Variants in YES1 observed in about 807,000 individuals in gnomAD.
YES1 encodes the protein YES proto-oncogene 1, Src family tyrosine kinase.
In YES1, 39 loss-of-function variants were observed where a neutral mutation model predicts 70.4. The ratio of observed to expected loss-of-function variants is 0.55; its 90% CI spans 0.43 to 0.72. The LOEUF (loss-of-function observed/expected upper bound fraction) is 0.72, where lower values mean the gene tolerates loss of function less well. Ranked by LOEUF, YES1 falls within the 30% of genes least tolerant of loss-of-function variation. The probability of loss-of-function intolerance (pLI) is 0.00; values close to 1 mark genes in which losing one functional copy is unlikely to be tolerated. For missense variants in YES1, 495 were observed against 644.8 expected (o/e 0.77, Z 2.52); for synonymous variants, 198 against 218.6 (o/e 0.91, Z 0.83).
At chr18:748,124 T>C (rs959509388) in intron 3 of YES1, 106 bp from the exon 4 acceptor site, 24 of 826,740 alleles carry the variant, frequency 2.9e-5, no homozygotes, top group Admixed American at 2.0e-4. Flanking sequence ...ATTACTTTCA[T>C]TTTTTATTTA....
rs542515787 is a variant in YES1 at position 764,890 on chromosome 18, A to G, written c.-8-8055T>C. ...TGGGATTACAGGTGCACACCACCAC[A>G]CCCGGCTAATTTTTTGTGTATTTTT... On this transcript the variant is annotated intron_variant, in intron 1 of 11. Transcript: ENST00000314574. 3.2e-4 allele frequency among the ~76,000 whole-genome samples: 48 copies of G among 151,354 alleles called. 2 individuals carry two copies. Among genetic ancestry groups the G allele is most frequent in the South Asian group, 1.5e-3 (7 of 4,770 alleles).
intron 1 of YES1, among the ~76,000 whole-genome samples, chr18:811,545 C>A (rs1364988195): frequency 1.3e-5 from 2 of 152,156 alleles, no homozygotes; most frequent in African/African-American, 4.8e-5. Flanking sequence ...TAAAAGTGGA[C>A]GCTGAATGGT....
intron 2 of YES1, among the ~76,000 whole-genome samples, chr18:753,844 G>A (rs2080373723): frequency 6.6e-6 from 1 of 152,118 alleles, no homozygotes. Context: ...CAAAGCTCTT[G>A]ATTTTTCTCC....
chr18:764,771 C>T (rs1904782586), intron 1 of YES1, among the ~76,000 whole-genome samples: 1 of 151,910 alleles, frequency 6.6e-6, no homozygotes, highest in Admixed American at 6.6e-5. Context: ...CTCGTTCTGT[C>T]ACCCAGGCTG....
At chr18:728,461 C>T (rs951289681) in intron 11 of YES1, among the ~76,000 whole-genome samples, 16 of 152,168 alleles carry the variant, frequency 1.1e-4, no homozygotes, top group Non-Finnish European at 1.3e-4. Flanking sequence ...CACATGAGGA[C>T]GGGTGTGGAA....
intron 11 of YES1, among the ~76,000 whole-genome samples, chr18:732,365 G>A (rs1313628494): frequency 6.9e-6 from 1 of 145,964 alleles, no homozygotes; most frequent in Non-Finnish European, 1.5e-5. Flanking sequence ...GCTTGAACCC[G>A]GGAGACAGGT....
chr18:809,571 G>C (rs1435049223), intron 1 of YES1, among the ~76,000 whole-genome samples: 3 of 152,250 alleles, frequency 2.0e-5, no homozygotes, highest in Admixed American at 6.5e-5. Context: ...AAAGTGCTGG[G>C]ATTACAGGTG....
intron 6 of YES1, among the ~76,000 whole-genome samples, chr18:743,918 A>T (rs12956482): frequency 0.59 from 87,127 of 146,596 alleles, 26,444 homozygotes; most frequent in African/African-American, 0.72. Context: ...AAAAAAAAAA[A>T]ATATATATAT....
intron 1 of YES1, among the ~76,000 whole-genome samples, chr18:811,637 G>A (rs1907385585): frequency 6.6e-6 from 1 of 152,034 alleles, no homozygotes; most frequent in African/African-American, 2.4e-5. Context: ...AAGCCAGAAA[G>A]GCTCATCCAC....
Position 743,078 on chromosome 18 carries a change from C to T in YES1, c.900G>A (p.Thr300=), listed in dbSNP as rs557973186. The T allele has an allele frequency of 3.4e-5, 54 of 1,596,928 alleles. No individual in the cohort carries two copies. The East Asian group carries it at 8.0e-4, about 24-fold the overall frequency. The change falls in exon 8 of 12, where the codon ACG becomes ACA. Residue 300 remains threonine (T), a synonymous_variant. Coordinates refer to ENST00000314574, the MANE Select transcript of YES1 (RefSeq NM_005433.4). ...GTTTTAGTGTTTTGATTGCTACTTT[C>T]GTGGTTCCATTCCATGTTCCTAAAG... ...EVWMGTWNGT[T]KVAIKTLKPG...
chr18:763,147 T>C (rs1904680996), intron 1 of YES1, among the ~76,000 whole-genome samples: 1 of 151,600 alleles, frequency 6.6e-6, no homozygotes, highest in Admixed American at 6.6e-5. Flanking sequence ...GTTCCAAGAG[T>C]GTGAGGGGCT....
intron 1 of YES1, chr18:798,110 T>C (rs937812654): frequency 1.3e-5 from 2 of 152,172 alleles, no homozygotes; most frequent in African/African-American, 4.8e-5. Context: ...TTCATGATCA[T>C]GGTATCTCCC....
intron 1 of YES1, among the ~76,000 whole-genome samples, chr18:786,496 TACACACACACACACACAC>T (rs56410052): frequency 7.2e-6 from 1 of 139,436 alleles, no homozygotes; most frequent in African/African-American, 2.7e-5. Context: ...AATAAGTCCA[TACACACACACACACACAC>T]ACACACACAC....
intron 3 of YES1, among the ~76,000 whole-genome samples, chr18:750,127 T>C (rs1303216401): frequency 6.6e-6 from 1 of 152,230 alleles, no homozygotes; most frequent in East Asian, 1.9e-4. Flanking sequence ...TAGATAAATT[T>C]GCTCTCTAGA....
At chr18:731,956 G>A (rs1329404275) in intron 11 of YES1, among the ~76,000 whole-genome samples, 2 of 98,126 alleles carry the variant, frequency 2.0e-5, no homozygotes, top group Non-Finnish European at 3.5e-5. Context: ...GACAGAGCGA[G>A]ACTCCATTTC....
At chr18:764,045 G>A (rs535065731) in intron 1 of YES1, among the ~76,000 whole-genome samples, 59 of 150,980 alleles carry the variant, frequency 3.9e-4, no homozygotes, top group Admixed American at 6.6e-4. Context: ...GCATGAACCC[G>A]GGAGGCGGAG....
At chr18:811,282 T>A (rs1433502000) in intron 1 of YES1, among the ~76,000 whole-genome samples, 1 of 152,182 alleles carries the variant, frequency 6.6e-6, no homozygotes, top group Non-Finnish European at 1.5e-5. Flanking sequence ...ATTCCACGCC[T>A]GTATCAATTA....
At chr18:807,956 C>A (rs547053171) in intron 1 of YES1, among the ~76,000 whole-genome samples, 9 of 152,244 alleles carry the variant, frequency 5.9e-5, no homozygotes, top group African/African-American at 2.2e-4. Context: ...GCTTACTGTA[C>A]ATTTGAACAA....
chr18:761,651 T>A (rs1280816768), intron 1 of YES1, among the ~76,000 whole-genome samples: 1 of 152,158 alleles, frequency 6.6e-6, no homozygotes, highest in African/African-American at 2.4e-5. Context: ...CCAGCCTCAT[T>A]TTCTTAATCC....
Sources: gnomAD v4.1 joint callset for allele counts (sites outside exome capture counted in the v4.1 genomes callset) on GRCh38, gnomAD v4.1.1 for gene constraint, MANE v1.5 for transcripts, NCBI Gene and HGNC (gene_info 2026-07-23, HGNC 2026-07-21) for gene names.